Variants in GPC5 observed in about 807,000 individuals in gnomAD.
GPC5 encodes the protein glypican 5, also known as glypican-5.
Under a neutral mutation model 53.9 loss-of-function variants are expected in GPC5, and 47 were observed. That is an observed-to-expected ratio of 0.87 (90% CI 0.69 to 1.11). The LOEUF (loss-of-function observed/expected upper bound fraction) is 1.11, where lower values mean the gene tolerates loss of function less well. Ranked by LOEUF, GPC5 falls within the 50% of genes most tolerant of loss-of-function variation. The probability of loss-of-function intolerance (pLI) is 0.00; values close to 1 mark genes in which losing one functional copy is unlikely to be tolerated. For synonymous variants in GPC5, 286 were observed against 263.3 expected (o/e 1.09, Z -0.84); for missense variants, 748 against 713.1 (o/e 1.05, Z -0.56).
At chr13:91,637,045 A>G (rs1432445202) in intron 2 of GPC5, among the ~76,000 whole-genome samples, 1 of 152,232 alleles carries the variant, frequency 6.6e-6, no homozygotes, top group Non-Finnish European at 1.5e-5. Context: ...TTCTTAATTA[A>G]AATTAATGTG....
chr13:91,989,950 C>T lies in GPC5; in HGVS notation c.1401+81893C>T, dbSNP rs866809903. Among the ~76,000 whole-genome samples, 14 of 152,154 alleles carry T rather than the reference C, an allele frequency of 9.2e-5. No individual in the cohort carries two copies. The Middle Eastern group carries it at 0.017, about 185-fold the overall frequency. On this transcript the variant is annotated intron_variant, in intron 6 of 7. Transcript: ENST00000377067. ...GAAGAGAATTAAAAAAAACTTCACC[C>T]TTTTTGCTTTCTTTGTGTGACACAT...
At chr13:92,552,184 T>C (rs1240912159) in intron 7 of GPC5, among the ~76,000 whole-genome samples, 6 of 151,878 alleles carry the variant, frequency 4.0e-5, no homozygotes, top group Admixed American at 1.3e-4. Flanking sequence ...GAGAGAATAA[T>C]GACTATCAAA....
chr13:92,739,714 A>G (rs981552493), intron 7 of GPC5, among the ~76,000 whole-genome samples: 4 of 141,634 alleles, frequency 2.8e-5, no homozygotes, highest in Non-Finnish European at 5.9e-5. Context: ...TCTTAAAAAA[A>G]AAAAGAAAAA....
At chr13:91,915,228 G>A (rs372438534) in intron 6 of GPC5, among the ~76,000 whole-genome samples, 5 of 152,140 alleles carry the variant, frequency 3.3e-5, no homozygotes, top group Admixed American at 2.6e-4. Flanking sequence ...TTGGATGCAC[G>A]CTCAATAACT....
intron 7 of GPC5, among the ~76,000 whole-genome samples, chr13:92,671,892 T>C (rs1012159862): frequency 3.3e-5 from 5 of 152,120 alleles, no homozygotes; most frequent in South Asian, 2.1e-4. Flanking sequence ...ATGGAAGACA[T>C]TGGAAGCAGA....
chr13:91,674,515 ACATATATGCGTATGTGTATATATACG>A (rs1594412774), intron 2 of GPC5, among the ~76,000 whole-genome samples: 2 of 149,158 alleles, frequency 1.3e-5, no homozygotes, highest in Admixed American at 6.7e-5. Context: ...GTATATATAC[ACATATATGCGTATGTGTATATATACG>A]CATATATATG....
chr13:92,364,502 G>C (rs961500209), intron 7 of GPC5, among the ~76,000 whole-genome samples: 2 of 151,806 alleles, frequency 1.3e-5, no homozygotes, highest in Middle Eastern at 3.4e-3. Flanking sequence ...AGGCCAAGGC[G>C]GGTGGATCAC....
intron 4 of GPC5, among the ~76,000 whole-genome samples, chr13:91,746,176 A>T (rs1053871616): frequency 6.6e-6 from 1 of 152,156 alleles, no homozygotes; most frequent in Non-Finnish European, 1.5e-5. Context: ...ACATCTCTAC[A>T]GGGTTGAGCC....
At chr13:92,786,783 C>G (rs1291484779) in intron 7 of GPC5, among the ~76,000 whole-genome samples, 1 of 152,034 alleles carries the variant, frequency 6.6e-6, no homozygotes, top group East Asian at 1.9e-4. Flanking sequence ...GGCATTAAAG[C>G]CCCGGACCAG....
intron 2 of GPC5, among the ~76,000 whole-genome samples, chr13:91,678,764 C>T (rs2035441307): frequency 6.6e-6 from 1 of 150,986 alleles, no homozygotes; most frequent in Non-Finnish European, 1.5e-5. Context: ...TTTGTGGATC[C>T]TATAGAGCTG....
chr13:91,865,103 G>T (rs1479814107), intron 5 of GPC5, among the ~76,000 whole-genome samples: 1 of 151,810 alleles, frequency 6.6e-6, no homozygotes, highest in Non-Finnish European at 1.5e-5. Context: ...TAGAGACGGG[G>T]TTTCACGATA....
chr13:91,854,520 T>G (rs574071922), intron 5 of GPC5, among the ~76,000 whole-genome samples: 1 of 151,756 alleles, frequency 6.6e-6, no homozygotes, highest in East Asian at 1.9e-4. Flanking sequence ...CCATTAAACA[T>G]TCCCACTTCC....
At chr13:92,008,177 T>C (rs181709620) in intron 6 of GPC5, among the ~76,000 whole-genome samples, 7,215 of 151,416 alleles carry the variant, frequency 0.048, 230 homozygotes, top group Non-Finnish European at 0.071. Context: ...ATTCTCCTGC[T>C]TCAGCCTCCT....
chr13:92,160,293 T>C (rs2041977667), intron 7 of GPC5, among the ~76,000 whole-genome samples: 1 of 152,230 alleles, frequency 6.6e-6, no homozygotes, highest in Admixed American at 6.5e-5. Flanking sequence ...GGTTCCTGTT[T>C]TCTTGACTGG....
At chr13:92,640,317 T>C (rs1885552101) in intron 7 of GPC5, among the ~76,000 whole-genome samples, 1 of 152,116 alleles carries the variant, frequency 6.6e-6, no homozygotes, top group African/African-American at 2.4e-5. Context: ...TGGAGTGTAG[T>C]GGCGCGATCT....
At chr13:92,660,765 C>G (rs906990283) in intron 7 of GPC5, among the ~76,000 whole-genome samples, 2 of 152,096 alleles carry the variant, frequency 1.3e-5, no homozygotes, top group African/African-American at 4.8e-5. Flanking sequence ...TAAACATAAT[C>G]TAACACAATT....
At chr13:92,226,879 C>T (rs527594981) in intron 7 of GPC5, among the ~76,000 whole-genome samples, 38 of 152,110 alleles carry the variant, frequency 2.5e-4, no homozygotes, top group African/African-American at 8.4e-4. Flanking sequence ...CGATTGCAGG[C>T]GTGAGCCACC....
At chr13:92,130,970 C>A (rs2041738407) in intron 6 of GPC5, among the ~76,000 whole-genome samples, 1 of 151,244 alleles carries the variant, frequency 6.6e-6, no homozygotes, top group East Asian at 1.9e-4. Flanking sequence ...AGATTAAATC[C>A]AGAATTAATA....
intron 2 of GPC5, among the ~76,000 whole-genome samples, chr13:91,640,158 A>C (rs1483829303): frequency 6.6e-6 from 1 of 152,200 alleles, no homozygotes; most frequent in Non-Finnish European, 1.5e-5. Flanking sequence ...AAATACAGAG[A>C]GATTCCGCAT....
Sources: gnomAD v4.1 joint callset for allele counts (sites outside exome capture counted in the v4.1 genomes callset) on GRCh38, gnomAD v4.1.1 for gene constraint, MANE v1.5 for transcripts, NCBI Gene and HGNC (gene_info 2026-07-23, HGNC 2026-07-21) for gene names.